PLBD1: variants seen among roughly 807,000 people sequenced by gnomAD.
PLBD1 encodes lysosomal leucine aminopeptidase.
A neutral mutation model predicts 63.0 loss-of-function variants in PLBD1; 60 were observed. The ratio of observed to expected loss-of-function variants is 0.95; its 90% CI spans 0.77 to 1.18. PLBD1 has a LOEUF of 1.18. PLBD1 is among the 50% of genes most tolerant of loss of function. The probability of loss-of-function intolerance (pLI) is 0.00; values close to 1 mark genes in which losing one functional copy is unlikely to be tolerated. For synonymous variants in PLBD1, 262 were observed against 248.0 expected (o/e 1.06, Z -0.53); for missense variants, 598 against 677.9 (o/e 0.88, Z 1.31).
intron 6 of PLBD1, among the ~76,000 whole-genome samples, chr12:14,517,708 A>G (rs1316842462): frequency 6.6e-6 from 1 of 152,208 alleles, no homozygotes; most frequent in Non-Finnish European, 1.5e-5. Context: ...CTGCATTAAC[A>G]TGCCACAGGC....
At chr12:14,507,215 T>C in intron 8 of PLBD1, 97 bp from the exon 9 acceptor site, 1 of 952,066 alleles carries the variant, frequency 1.1e-6, no homozygotes. Flanking sequence ...TTCATTTATT[T>C]TGAAAATGGG....
intron 4 of PLBD1, among the ~76,000 whole-genome samples, chr12:14,538,961 G>C (rs1468931101): frequency 6.6e-6 from 1 of 152,146 alleles, no homozygotes; most frequent in Non-Finnish European, 1.5e-5. Context: ...AGGAGGCGGA[G>C]GTTGCAGCTG....
At chr12:14,567,501 C>T in intron 1 of PLBD1, 81 bp downstream of exon 1, 3 of 1,391,362 alleles carry the variant, frequency 2.2e-6, no homozygotes, top group Non-Finnish European at 2.8e-6. Flanking sequence ...GACGTCAACT[C>T]GGCCGGACGC....
chr12:14,511,689 A>G lies in PLBD1; in HGVS notation c.867T>C (p.Asp289=). 1 of 1,614,194 alleles carries G rather than the reference A, an allele frequency of 6.2e-7. No homozygotes were observed. The highest frequency in any genetic ancestry group is 8.5e-7 in the Non-Finnish European group (1 of 1,180,012). Residue 289 remains aspartate (D), a synonymous_variant, in exon 7 of 11, where the codon GAT becomes GAC. Coordinates refer to ENST00000240617, the MANE Select transcript of PLBD1 (RefSeq NM_024829.6). Reference sequence around the variant, plus strand: ...TCAATCCACTGCTAAGAATGTAAAAATCATCCAGAGACTCCAAAAACCCTA... The same window carrying G: ...TCAATCCACTGCTAAGAATGTAAAAGTCATCCAGAGACTCCAAAAACCCTA... ...SYPGFLESLD[D]FYILSSGLIL...
At chr12:14,522,243 C>T (rs773681992) in intron 6 of PLBD1, among the ~76,000 whole-genome samples, 1 of 151,964 alleles carries the variant, frequency 6.6e-6, no homozygotes, top group African/African-American at 2.4e-5. Context: ...TCTATGCCAA[C>T]AAATATGAAA....
intron 8 of PLBD1, among the ~76,000 whole-genome samples, chr12:14,509,025 T>C (rs1181262780): frequency 7.1e-6 from 1 of 141,146 alleles, no homozygotes; most frequent in Non-Finnish European, 1.6e-5. Flanking sequence ...TTTTAATGGC[T>C]ATATGATATC....
intron 8 of PLBD1, among the ~76,000 whole-genome samples, chr12:14,507,702 G>A (rs532567786): frequency 6.6e-6 from 1 of 152,200 alleles, no homozygotes; most frequent in Non-Finnish European, 1.5e-5. Flanking sequence ...AGTCCATAAT[G>A]TAAGGGGATT....
chr12:14,504,270 G>A (rs1437402606), intron 10 of PLBD1, among the ~76,000 whole-genome samples: 2 of 152,144 alleles, frequency 1.3e-5, no homozygotes, highest in East Asian at 3.9e-4. Flanking sequence ...AACTGGTCTC[G>A]AACTCCTGAT....
At chr12:14,542,354 A>C in intron 2 of PLBD1, 63 bp from the exon 3 acceptor site, 2 of 1,291,388 alleles carry the variant, frequency 1.5e-6, no homozygotes, top group East Asian at 2.4e-5. Flanking sequence ...CCATCACAGT[A>C]AATTATTCAA....
At chr12:14,554,295 T>G (rs1349325511) in intron 1 of PLBD1, 4 of 152,234 alleles carry the variant, frequency 2.6e-5, no homozygotes, top group Non-Finnish European at 5.9e-5. Context: ...TTAGGAACTC[T>G]GTTCTATCTT....
intron 1 of PLBD1, 108 bp downstream of exon 1, chr12:14,567,474 G>T: frequency 1.5e-6 from 2 of 1,358,656 alleles, no homozygotes; most frequent in East Asian, 3.1e-5. Context: ...GTTCACCCAG[G>T]AACCAGACGC....
intron 6 of PLBD1, among the ~76,000 whole-genome samples, chr12:14,512,771 C>G (rs987371068): frequency 1.3e-5 from 2 of 152,144 alleles, no homozygotes; most frequent in African/African-American, 4.8e-5. Context: ...GTGGTAAGTT[C>G]CTTCGGTGCA....
chr12:14,503,864 G>T lies in PLBD1; in HGVS notation c.1570C>A (p.Arg524Ser). Residue 524 changes from arginine (R) to serine (S), a missense_variant, in exon 11 of 11, where the codon CGT (arginine) becomes AGT (serine). Coordinates refer to ENST00000240617, the MANE Select transcript of PLBD1 (RefSeq NM_024829.6). Reference sequence around the variant, plus strand: ...CCCTGATGTAGAGTTTTGTTGAAACGGTCCCAGCGAAAAACAGGGAGGCCA... The same window carrying T: ...CCCTGATGTAGAGTTTTGTTGAAACTGTCCCAGCGAAAAACAGGGAGGCCA... ...QGGLPVFRWD[R>S]FNKTLHQGMP... 1.2e-6 allele frequency: 2 copies of T among 1,613,662 alleles called. No homozygotes were observed. The highest frequency in any genetic ancestry group is 2.2e-5 in the East Asian group (1 of 44,874).
chr12:14,548,182 C>A (rs1021481244), intron 2 of PLBD1, among the ~76,000 whole-genome samples: 3 of 151,982 alleles, frequency 2.0e-5, no homozygotes, highest in Non-Finnish European at 4.4e-5. Context: ...GTGGGCCAGG[C>A]ACGGTGGCTC....
At chr12:14,515,286 T>C (rs983344901) in intron 6 of PLBD1, among the ~76,000 whole-genome samples, 3 of 151,952 alleles carry the variant, frequency 2.0e-5, no homozygotes, top group Non-Finnish European at 4.4e-5. Context: ...TCTGGAAAGG[T>C]AGAAGGGAGG....
chr12:14,545,748 G>A (rs974677637), intron 2 of PLBD1, among the ~76,000 whole-genome samples: 2 of 152,034 alleles, frequency 1.3e-5, no homozygotes, highest in African/African-American at 4.8e-5. Flanking sequence ...TGAAGTACAC[G>A]ACATTATGAT....
In PLBD1 at chr12:14,567,726, G is replaced by A. The variant is rs780746529; in HGVS notation, c.-30C>T. 7 of 1,393,044 alleles carry A rather than the reference G, an allele frequency of 5.0e-6. No individual in the cohort carries two copies. The highest frequency in any genetic ancestry group is 5.5e-6 in the Non-Finnish European group (6 of 1,086,084). 86.3% of individuals were successfully genotyped at this position (1,393,044 alleles called of 1,614,324 possible). A position where few individuals can be genotyped will look rare whatever the true frequency, so the allele number is the denominator to read the frequency against. On this transcript the variant is annotated 5_prime_UTR_variant, in exon 1 of 11. Coordinates refer to ENST00000240617, the MANE Select transcript of PLBD1 (RefSeq NM_024829.6). ...CCACGGCCGCGACCTTCCTCTGCGGGATCAGGCGGCCGCGGTGGCCCGCGG... is the reference window on the plus strand; with the variant it reads ...CCACGGCCGCGACCTTCCTCTGCGGAATCAGGCGGCCGCGGTGGCCCGCGG...
intron 2 of PLBD1, among the ~76,000 whole-genome samples, chr12:14,545,207 C>T (rs1048697601): frequency 1.3e-5 from 2 of 152,190 alleles, no homozygotes; most frequent in Non-Finnish European, 2.9e-5. Context: ...CCAAGCTTAC[C>T]GTTTCTTATA....
chr12:14,539,091 T>A (rs1200166609), intron 4 of PLBD1, among the ~76,000 whole-genome samples: 1 of 152,136 alleles, frequency 6.6e-6, no homozygotes, highest in Non-Finnish European at 1.5e-5. Flanking sequence ...TTATTTCCAA[T>A]CTCATAGGTG....
Sources: gnomAD v4.1 joint callset for allele counts (sites outside exome capture counted in the v4.1 genomes callset) on GRCh38, gnomAD v4.1.1 for gene constraint, MANE v1.5 for transcripts, NCBI Gene and HGNC (gene_info 2026-07-23, HGNC 2026-07-21) for gene names.